RPL3L: variants seen among roughly 807,000 people sequenced by gnomAD.
RPL3L encodes ribosomal protein L3 like.
RPL3L carries 44 observed loss-of-function variants against 44.5 expected under a neutral mutation model. The ratio of observed to expected loss-of-function variants is 0.99; its 90% CI spans 0.78 to 1.27. The LOEUF is 1.27. RPL3L is among the 50% of genes most tolerant of loss of function. The pLI, the probability that RPL3L is intolerant of heterozygous loss-of-function variation, is 0.00. For missense variants in RPL3L, 631 were observed against 569.1 expected (o/e 1.11, Z -1.11); for synonymous variants, 292 against 230.7 (o/e 1.27, Z -2.41).
Position 1,947,288 on chromosome 16 carries a change from C to G in RPL3L, c.594G>C (p.Gln198His), listed in dbSNP as rs199827906. 65 of 1,613,180 alleles carry G rather than the reference C, an allele frequency of 4.0e-5. No individual in the cohort carries two copies. Among genetic ancestry groups the G allele is most frequent in the Non-Finnish European group, 5.2e-5 (61 of 1,179,876 alleles). Residue 198 changes from glutamine (Q) to histidine (H), a missense_variant, in exon 5 of 10, where the codon CAG (glutamine) becomes CAC (histidine). Physicochemically the swap from Gln to His is conservative, Grantham distance 24. Transcript: ENST00000268661. Reference protein sequence around the residue: ...GTVAEKVAWAQARLEKQVPVH... With the variant: ...GTVAEKVAWAHARLEKQVPVH... ...CGGGCACCTGCTTCTCCAGCCGGGCCTGGGCCCAGGCCACCTTCTCGGCCA... is the reference window on the plus strand; with the variant it reads ...CGGGCACCTGCTTCTCCAGCCGGGCGTGGGCCCAGGCCACCTTCTCGGCCA...
chr16:1,952,920 C>G lies in RPL3L; in HGVS notation c.319G>C (p.Ala107Pro). 1 of 1,613,998 alleles carries G rather than the reference C, an allele frequency of 6.2e-7. No homozygotes were observed. Among genetic ancestry groups the G allele is most frequent in the Non-Finnish European group, 8.5e-7 (1 of 1,180,008 alleles). The stretch of plus-strand genomic sequence containing the variant: ...CGGCACTCATCACTGAGGTGTTCTG[C>G]AAAGATGGTCTTGAAGCTCCGGAGA... ...RGLRSFKTIFAEHLSDECRRR... is the reference protein window; with the variant it reads ...RGLRSFKTIFPEHLSDECRRR... The change falls in exon 3 of 10, where the codon GCA becomes CCA. Residue 107 changes from alanine to proline, a missense_variant. Ala to Pro is a conservative substitution (Grantham distance 27, BLOSUM62 -1). Coordinates refer to ENST00000268661, the MANE Select transcript of RPL3L (RefSeq NM_005061.3).
At chr16:1,952,798 A>G in intron 3 of RPL3L, 76 bp downstream of exon 3, 1 of 1,546,132 alleles carries the variant, frequency 6.5e-7, no homozygotes, top group South Asian at 1.2e-5. Context: ...TCATTTCAGC[A>G]AGAGCTAGAG....
chr16:1,945,042 C>A, intron 9 of RPL3L, 149 bp from the exon 10 acceptor site: 1 of 1,019,570 alleles, frequency 9.8e-7, no homozygotes, highest in Non-Finnish European at 1.5e-6. Context: ...GAATCAGTGC[C>A]CAGGGATAGA....
chr16:1,952,785 C>G (rs535100026), intron 3 of RPL3L, 89 bp downstream of exon 3: 1 of 1,484,188 alleles, frequency 6.7e-7, no homozygotes, highest in African/African-American at 1.4e-5. Context: ...TCACCCACAC[C>G]TATCATTTCA....
Position 1,946,796 on chromosome 16 carries a change from C to T in RPL3L, c.850-70G>A, listed in dbSNP as rs112468975. On this transcript the variant is annotated intron_variant, in intron 6 of 9. Coordinates refer to ENST00000268661, the MANE Select transcript of RPL3L (RefSeq NM_005061.3). The stretch of plus-strand genomic sequence containing the variant: ...GGCCAGCAGCCCATCCAGGCCCATC[C>T]GCCCACATGCTCAGACTCAGTGCTG... 9.5e-5 allele frequency: 151 copies of T among 1,591,252 alleles called. 1 individual carries two copies. The Middle Eastern group carries it at 1.8e-3, about 19-fold the overall frequency.
intron 2 of RPL3L, 121 bp from the exon 3 acceptor site, chr16:1,953,163 C>T: frequency 2.0e-6 from 2 of 1,013,252 alleles, no homozygotes; most frequent in Non-Finnish European, 2.8e-6. Flanking sequence ...GGACAGCATT[C>T]CCCAGAGGGT....
At chr16:1,951,407 G>A (rs1224607840) in intron 3 of RPL3L, among the ~76,000 whole-genome samples, 1 of 151,906 alleles carries the variant, frequency 6.6e-6, no homozygotes, top group African/African-American at 2.4e-5. Context: ...TTGGAGATAG[G>A]GTCTCACTTT....
intron 2 of RPL3L, 96 bp from the exon 3 acceptor site, chr16:1,953,138 G>T: frequency 7.5e-7 from 1 of 1,330,804 alleles, no homozygotes; most frequent in Non-Finnish European, 1.0e-6. Flanking sequence ...GGACAGGAGA[G>T]TGTGGGGCCA....
rs1332927269 is a variant in RPL3L at position 1,944,543 on chromosome 16, CAAAAAA to C, written c.*288_*293del. On this transcript the variant is annotated 3_prime_UTR_variant, in exon 10 of 10. Coordinates refer to ENST00000268661, the MANE Select transcript of RPL3L (RefSeq NM_005061.3). ...CTGGGCGACAAGATCAAGACTCTCTCAAAAAAAAAAAAAAAAAAAACCTCTGCTCCG... is the reference window on the plus strand; with the variant it reads ...CTGGGCGACAAGATCAAGACTCTCTCAAAAAAAAAAAAAACCTCTGCTCCG... The C allele has an allele frequency of 3.6e-5, 4 of 110,290 alleles. No individual in the cohort carries two copies. The highest frequency in any genetic ancestry group is 9.2e-5 in the African/African-American group (2 of 21,832). The allele number at this position is 110,290 out of a possible 1,614,324, so 6.8% of individuals were successfully genotyped here.
Position 1,950,759 on chromosome 16 carries a change from G to A in RPL3L, c.501+85C>T, listed in dbSNP as rs552942918. ...TGTGCCGAGGCTCGGGTATTTTTAG[G>A]CTGACATTTGCCACAGCTCCTGGAA... On this transcript the variant is annotated intron_variant, in intron 4 of 9. Coordinates refer to ENST00000268661, the MANE Select transcript of RPL3L (RefSeq NM_005061.3). 4.4e-6 allele frequency: 7 copies of A among 1,600,652 alleles called. No individual in the cohort carries two copies. The African/African-American group carries it at 9.4e-5, about 21-fold the overall frequency.
chr16:1,946,828 G>T, intron 6 of RPL3L, 102 bp from the exon 7 acceptor site: 1 of 1,563,192 alleles, frequency 6.4e-7, no homozygotes, highest in Non-Finnish European at 8.7e-7. Context: ...GCTGGTGGGG[G>T]CATCTTGTGT....
intron 1 of RPL3L, among the ~76,000 whole-genome samples, chr16:1,954,375 C>T (rs2083192808): frequency 6.6e-6 from 1 of 152,116 alleles, no homozygotes; most frequent in African/African-American, 2.4e-5. Context: ...TGGGCTCAGC[C>T]TGGGGCCCAG....
At chr16:1,946,560 C>T in intron 7 of RPL3L, 65 bp downstream of exon 7, 1 of 1,542,366 alleles carries the variant, frequency 6.5e-7, no homozygotes, top group Non-Finnish European at 8.9e-7. Context: ...CCCGGCCAGC[C>T]TGACCCCACT....
intron 9 of RPL3L, 57 bp downstream of exon 9, chr16:1,945,441 AG>A: frequency 6.4e-7 from 1 of 1,555,446 alleles, no homozygotes; most frequent in African/African-American, 1.4e-5. Flanking sequence ...CTACTCGGGC[AG>A]GCTGGATGTG....
At chr16:1,946,248 G>A (rs2083119992) in intron 7 of RPL3L, among the ~76,000 whole-genome samples, 1 of 152,244 alleles carries the variant, frequency 6.6e-6, no homozygotes, top group South Asian at 2.1e-4. Context: ...CAGGTGGCCT[G>A]ACTCCCAGGC....
chr16:1,950,953 G>C lies in RPL3L; in HGVS notation c.392C>G (p.Thr131Ser). Residue 131 changes from threonine (T) to serine (S), a missense_variant, in exon 4 of 10, where the codon ACC becomes AGC. By Grantham distance (58) the Thr-to-Ser change is moderately conservative (BLOSUM62 1). Coordinates refer to ENST00000268661, the MANE Select transcript of RPL3L (RefSeq NM_005061.3). ...DWHKSKKKAF[T>S]KACKRWRDTD... ...GTCCCGCCACCTCTTGCAGGCCTTGGTGAAGGCTTTCTTCTTGCTCTTGTG... is the reference window on the plus strand; with the variant it reads ...GTCCCGCCACCTCTTGCAGGCCTTGCTGAAGGCTTTCTTCTTGCTCTTGTG... 1.2e-6 allele frequency: 2 copies of C among 1,613,942 alleles called. No individual in the cohort carries two copies. The highest frequency in any genetic ancestry group is 1.7e-6 in the Non-Finnish European group (2 of 1,179,946).
rs374568624 is a variant in RPL3L, at chr16:1,947,395, C to T, written c.502-15G>A. On this transcript the variant is annotated splice_polypyrimidine_tract_variant and intron_variant, in intron 4 of 9. Transcript: ENST00000268661. ...AGCAGTTTCATCTGCAGGACATGGC[C>T]GGAGGTCACGCCACGGCCCACGGGA... 116 of 1,550,430 alleles carry T rather than the reference C, an allele frequency of 7.5e-5. No homozygotes were observed. The highest frequency in any genetic ancestry group is 2.0e-4 in the South Asian group (17 of 84,370).
At chr16:1,948,007 G>A (rs1271425316) in intron 4 of RPL3L, among the ~76,000 whole-genome samples, 11 of 146,730 alleles carry the variant, frequency 7.5e-5, no homozygotes, top group Admixed American at 1.4e-4. Context: ...GCATGATCTC[G>A]GCTCACTGCA....
At chr16:1,953,867 CCT>C (rs1189593734) in intron 2 of RPL3L, 87 bp downstream of exon 2, 2 of 1,309,364 alleles carry the variant, frequency 1.5e-6, no homozygotes, top group South Asian at 1.9e-5. Context: ...GGACTGTGGC[CCT>C]GTCTGGACCA....
Sources: gnomAD v4.1 joint callset for allele counts (sites outside exome capture counted in the v4.1 genomes callset) on GRCh38, gnomAD v4.1.1 for gene constraint, MANE v1.5 for transcripts, NCBI Gene and HGNC (gene_info 2026-07-23, HGNC 2026-07-21) for gene names.